ASCC2: variants seen among roughly 807,000 people sequenced by gnomAD.
ASCC2 encodes activating signal cointegrator 1 complex subunit 2.
A neutral mutation model predicts 93.5 loss-of-function variants in ASCC2; 42 were observed. The ratio of observed to expected loss-of-function variants is 0.45; its 90% confidence interval spans 0.35 to 0.58. The LOEUF is 0.58. Ranked by LOEUF, ASCC2 falls within the 20% of genes least tolerant of loss-of-function variation. ASCC2 has a pLI of 0.00. For synonymous variants in ASCC2, 364 were observed against 384.2 expected, an observed-to-expected ratio of 0.95 and a Z score of 0.62; for missense variants, 859 against 977.6, an observed-to-expected ratio of 0.88 and a Z score of 1.62.
At chr22:29,804,373 C>T (rs81800) in intron 13 of ASCC2, among the ~76,000 whole-genome samples, 1 of 151,938 alleles carries the variant, frequency 6.6e-6, no homozygotes, top group Non-Finnish European at 1.5e-5. Context: ...TGGAAAGTTT[C>T]GTCTCTTCAT....
chr22:29,804,837 G>C lies in ASCC2; in HGVS notation c.1161-7C>G. 6.2e-7 allele frequency: 1 copy of C among 1,613,674 alleles called. No homozygotes were observed. Among genetic ancestry groups the C allele is most frequent in the Non-Finnish European group, 8.5e-7 (1 of 1,179,658 alleles). On this transcript the variant is annotated splice_region_variant and splice_polypyrimidine_tract_variant and intron_variant, in intron 12 of 19. Transcript: ENST00000307790. ...GGCAGTCCGCGTCTCGTCCCTGTGA[G>C]GACTTGTTAAGGGGTCTGTCTTAAG... is the stretch of plus-strand genomic sequence containing the variant.
chr22:29,821,179 G>A (rs538676661), intron 5 of ASCC2, among the ~76,000 whole-genome samples: 258 of 152,112 alleles, frequency 1.7e-3, no homozygotes, highest in Non-Finnish European at 2.4e-3. Context: ...GTGTGTGTGC[G>A]TATAAAGAGG....
chr22:29,832,278 C>A lies in ASCC2; in HGVS notation c.48G>T (p.Pro16=). The change falls in exon 2 of 20, where the codon CCG becomes CCT. Residue 16 remains proline, a synonymous_variant. Transcript: ENST00000307790. Reference sequence around the variant, plus strand: ...GTGAAGTCCTCAGCTTTCCTGTCTTCGGGTCCTTGTGGGTGATCTGGAGTT... The same window carrying A: ...GTGAAGTCCTCAGCTTTCCTGTCTTAGGGTCCTTGTGGGTGATCTGGAGTT... ...LDQLQITHKD[P]KTGKLRTSPA... The A allele has an allele frequency of 6.2e-7, 1 of 1,614,040 alleles. No individual in the cohort carries two copies. The highest frequency in any genetic ancestry group is 8.5e-7 in the Non-Finnish European group (1 of 1,179,966).
At chr22:29,803,557 G>A (rs2059342995) in intron 13 of ASCC2, among the ~76,000 whole-genome samples, 1 of 152,118 alleles carries the variant, frequency 6.6e-6, no homozygotes, top group South Asian at 2.1e-4. Flanking sequence ...ACTAATCCAA[G>A]GTCCTTTTCC....
chr22:29,820,949 A>G (rs2061485669), intron 5 of ASCC2, among the ~76,000 whole-genome samples: 1 of 151,760 alleles, frequency 6.6e-6, no homozygotes, highest in African/African-American at 2.4e-5. Context: ...AATAAAGGAA[A>G]GTGACCATTA....
chr22:29,815,905 T>A, intron 6 of ASCC2, 101 bp downstream of exon 6: 1 of 995,982 alleles, frequency 1.0e-6, no homozygotes, highest in Non-Finnish European at 1.5e-6. Context: ...GGAATAAACA[T>A]TTCCTCAGCT....
At chr22:29,837,939 T>C (rs567387050) in intron 1 of ASCC2, among the ~76,000 whole-genome samples, 1 of 152,018 alleles carries the variant, frequency 6.6e-6, no homozygotes, top group Non-Finnish European at 1.5e-5. Context: ...AAGCCCCGGG[T>C]GTGAGGACGT....
intron 2 of ASCC2, among the ~76,000 whole-genome samples, chr22:29,826,314 G>C (rs1012349429): frequency 2.6e-5 from 4 of 151,070 alleles, no homozygotes; most frequent in Non-Finnish European, 4.4e-5. Flanking sequence ...TATTACTTTT[G>C]TTTTGTTTTG....
chr22:29,823,698 A>C (rs1267836048), intron 4 of ASCC2, among the ~76,000 whole-genome samples: 3 of 152,192 alleles, frequency 2.0e-5, no homozygotes, highest in Non-Finnish European at 4.4e-5. Context: ...AAATACAAAA[A>C]TTAGCTGGGA....
chr22:29,817,002 C>T (rs926216150), intron 5 of ASCC2, among the ~76,000 whole-genome samples: 1 of 152,208 alleles, frequency 6.6e-6, no homozygotes, highest in Non-Finnish European at 1.5e-5. Context: ...GTTTCCTTAT[C>T]GATGACCATG....
rs1430350212 is a variant in ASCC2 at position 29,818,413 on chromosome 22, C to CT, written c.542-2341_542-2340insA. ...GCATCACTCCCTGCCTACACACACA[C>CT]ACACACACACACACACACACACACA... On this transcript the variant is annotated intron_variant, in intron 5 of 19. Transcript: ENST00000307790. Among the ~76,000 whole-genome samples the CT allele has an allele frequency of 2.3e-3, 30 of 12,878 alleles. 1 individual carries two copies. The highest frequency in any genetic ancestry group is 4.9e-3 in the Non-Finnish European group (24 of 4,928). 8.4% of individuals were successfully genotyped at this position (12,878 alleles called of 152,430 possible). A position where few individuals can be genotyped will look rare whatever the true frequency, so the allele number is the denominator to read the frequency against.
At position 29,817,945 on chromosome 22, in the gene ASCC2, T is replaced by C. The variant is rs115066027; in HGVS notation, c.542-1872A>G. ...ACAATTGGGCCAAGGCCCAAGTCAT[T>C]CCTGGTTTGCAAAGCAGTGTCAAGA... On this transcript the variant is annotated intron_variant, in intron 5 of 19. Coordinates refer to ENST00000307790, the MANE Select transcript of ASCC2 (RefSeq NM_032204.5). Among the ~76,000 whole-genome samples the C allele has an allele frequency of 6.8e-3, 1,041 of 152,178 alleles. 11 individuals carry two copies. The highest frequency in any genetic ancestry group is 0.024 in the African/African-American group (985 of 41,520).
intron 7 of ASCC2, among the ~76,000 whole-genome samples, chr22:29,813,784 C>T (rs934156374): frequency 1.3e-5 from 2 of 152,154 alleles, no homozygotes; most frequent in African/African-American, 2.4e-5. Context: ...ACCCAATCAC[C>T]GCTAGGGTTA....
chr22:29,792,302 G>GAT, intron 18 of ASCC2, 131 bp downstream of exon 18: 1 of 1,479,454 alleles, frequency 6.8e-7, no homozygotes, highest in South Asian at 1.3e-5. Flanking sequence ...GGGCTCAAAG[G>GAT]GACTCCTCCT....
chr22:29,815,957 G>T, intron 6 of ASCC2, 49 bp downstream of exon 6: 1 of 1,463,714 alleles, frequency 6.8e-7, no homozygotes, highest in African/African-American at 1.4e-5. Flanking sequence ...TGGGGAGGTG[G>T]CCTATCCTCC....
At chr22:29,805,019 C>T (rs2059518405) in intron 12 of ASCC2, among the ~76,000 whole-genome samples, 189 bp from the exon 13 acceptor site, 1 of 152,206 alleles carries the variant, frequency 6.6e-6, no homozygotes, top group Non-Finnish European at 1.5e-5. Context: ...TCTGGCCTCA[C>T]AACCTAGTGC....
intron 18 of ASCC2, among the ~76,000 whole-genome samples, chr22:29,791,584 G>C (rs1298264277): frequency 1.3e-5 from 2 of 152,188 alleles, no homozygotes; most frequent in African/African-American, 4.8e-5. Context: ...GGGAGGCTGA[G>C]GCAGGAGAAT....
rs1602153325 is a variant in ASCC2 at position 29,822,740 on chromosome 22, A to G, written c.412-276T>C. ...TCTTTTTTTTTTTTTTTTTTTTTTG[A>G]TACAGGGTCTGGCTCTGTTGCCCAG... On this transcript the variant is annotated intron_variant, in intron 4 of 19. Coordinates refer to ENST00000307790, the MANE Select transcript of ASCC2 (RefSeq NM_032204.5). 6.2e-5 allele frequency among the ~76,000 whole-genome samples: 3 copies of G among 48,272 alleles called. No homozygotes were observed. In the Admixed American group the frequency reaches 7.2e-4, roughly 12 times the overall value. The allele number at this position is 48,272 out of a possible 152,430, so 31.7% of individuals were successfully genotyped here. A position where few individuals can be genotyped will look rare whatever the true frequency, so the allele number is the denominator to read the frequency against.
chr22:29,795,513 T>C lies in ASCC2; in HGVS notation c.1689-1837A>G, dbSNP rs1453750835. On this transcript the variant is annotated intron_variant, in intron 15 of 19. Transcript: ENST00000307790. Reference sequence around the variant, plus strand: ...ACTGAGCTCAAGGGAGCCATAGGGATATCTGGGGTATAAGAAAAGGGGGTT... The same window carrying C: ...ACTGAGCTCAAGGGAGCCATAGGGACATCTGGGGTATAAGAAAAGGGGGTT... Among the ~76,000 whole-genome samples, 7 of 152,202 alleles carry C rather than the reference T, an allele frequency of 4.6e-5. No individual in the cohort carries two copies. In the East Asian group the frequency reaches 1.3e-3, roughly 29 times the overall value.
Sources: allele counts gnomAD v4.1 joint callset (sites outside exome capture counted in the v4.1 genomes callset), GRCh38; gene constraint gnomAD v4.1.1; transcripts MANE v1.5; gene names NCBI Gene and HGNC (gene_info 2026-07-23, HGNC 2026-07-21).